The following SPHKAP variants were observed in gnomAD, a reference collection of about 807,000 sequenced individuals.
SPHKAP encodes A-kinase anchor protein SPHKAP.
SPHKAP carries 67 observed loss-of-function variants against 137.5 expected under a neutral mutation model. The observed-to-expected ratio is 0.49, with a 90% CI of 0.40 to 0.60. The LOEUF (loss-of-function observed/expected upper bound fraction) is 0.60. Ranked by LOEUF, SPHKAP falls within the 20% of genes least tolerant of loss-of-function variation. The pLI is 0.00. For synonymous variants in SPHKAP, 813 were observed against 785.3 expected (o/e 1.04, Z -0.59); for missense variants, 2,097 against 2,069.3 (o/e 1.01, Z -0.26).
intron 7 of SPHKAP, among the ~76,000 whole-genome samples, chr2:228,000,964 A>G (rs933800754): frequency 9.9e-5 from 15 of 152,006 alleles, no homozygotes; most frequent in Admixed American, 8.5e-4. Context: ...ACACTCCCCA[A>G]ATGTCTTCAA....
At chr2:228,001,398 T>A (rs1362924944) in intron 7 of SPHKAP, among the ~76,000 whole-genome samples, 1 of 142,938 alleles carries the variant, frequency 7.0e-6, no homozygotes, top group Non-Finnish European at 1.5e-5. Context: ...TATATAAATA[T>A]ATATACATAA....
intron 2 of SPHKAP, among the ~76,000 whole-genome samples, chr2:228,119,702 A>G (rs1318649853): frequency 1.3e-5 from 2 of 152,168 alleles, no homozygotes; most frequent in Non-Finnish European, 2.9e-5. Flanking sequence ...ACAATAAAAG[A>G]AAATGGAAAT....
chr2:228,110,022 C>T (rs1291934116), intron 2 of SPHKAP, among the ~76,000 whole-genome samples: 1 of 150,750 alleles, frequency 6.6e-6, no homozygotes, highest in African/African-American at 2.4e-5. Flanking sequence ...AAAAGATTCC[C>T]AGTGCTTTTC....
At chr2:228,147,939 A>T (rs1699824780) in intron 1 of SPHKAP, among the ~76,000 whole-genome samples, 1 of 152,154 alleles carries the variant, frequency 6.6e-6, no homozygotes, top group Non-Finnish European at 1.5e-5. Context: ...AATCAAGTGC[A>T]ATTTGATTTA....
intron 1 of SPHKAP, among the ~76,000 whole-genome samples, chr2:228,153,585 C>T (rs1700003927): frequency 6.6e-6 from 1 of 152,086 alleles, no homozygotes; most frequent in Admixed American, 6.6e-5. Context: ...AAGTATCAGT[C>T]TAGTTATTTT....
intron 3 of SPHKAP, among the ~76,000 whole-genome samples, chr2:228,031,421 G>A (rs1188476049): frequency 1.3e-5 from 2 of 152,240 alleles, no homozygotes; most frequent in African/African-American, 4.8e-5. Flanking sequence ...GCCTGCCTCT[G>A]TAGGCTCCAC....
chr2:228,144,003 A>G (rs537736566), intron 1 of SPHKAP, among the ~76,000 whole-genome samples: 2 of 152,242 alleles, frequency 1.3e-5, no homozygotes, highest in South Asian at 4.1e-4. Flanking sequence ...AAAACAGGCC[A>G]GGCACAGTTG....
intron 7 of SPHKAP, among the ~76,000 whole-genome samples, chr2:227,999,581 G>T (rs959140543): frequency 3.9e-5 from 6 of 152,144 alleles, no homozygotes; most frequent in African/African-American, 1.2e-4. Context: ...TCTTACTAAA[G>T]AAGTTAAATC....
At chr2:228,101,011 C>A (rs1698168813) in intron 3 of SPHKAP, among the ~76,000 whole-genome samples, 1 of 152,166 alleles carries the variant, frequency 6.6e-6, no homozygotes, top group African/African-American at 2.4e-5. Context: ...CTTTCTCTAT[C>A]TGCACATTCT....
In SPHKAP at chr2:227,993,558, C is replaced by A; in HGVS notation, c.4697G>T (p.Ser1566Ile). The change falls in exon 9 of 12, where the codon AGC becomes ATC. Residue 1566 changes from serine to isoleucine, a missense_variant. Transcript: ENST00000392056. ...CTTAATCATGGGAGAAGATGGCATGCTTTCCTGATAAATGTCCAGATCCAT... is the reference window on the plus strand; with the variant it reads ...CTTAATCATGGGAGAAGATGGCATGATTTCCTGATAAATGTCCAGATCCAT... Reference protein sequence around the residue: ...GIMDLDIYQESMPSSPMINEL... With the variant: ...GIMDLDIYQEIMPSSPMINEL... 1 of 1,604,306 alleles carries A rather than the reference C, an allele frequency of 6.2e-7. No individual in the cohort carries two copies. The highest frequency in any genetic ancestry group is 8.5e-7 in the Non-Finnish European group (1 of 1,175,536).
intron 7 of SPHKAP, among the ~76,000 whole-genome samples, chr2:227,997,967 T>C (rs2106172381): frequency 6.6e-6 from 1 of 152,310 alleles, no homozygotes; most frequent in South Asian, 2.1e-4. Context: ...CTGTGAAAGA[T>C]CTGAGATGTG....
At chr2:228,100,762 T>G (rs1190359986) in intron 3 of SPHKAP, among the ~76,000 whole-genome samples, 3 of 152,192 alleles carry the variant, frequency 2.0e-5, no homozygotes, top group African/African-American at 4.8e-5. Context: ...TATTGGGGTT[T>G]TTTTGCATCT....
At chr2:228,094,484 T>C (rs1401439625) in intron 3 of SPHKAP, among the ~76,000 whole-genome samples, 1 of 152,240 alleles carries the variant, frequency 6.6e-6, no homozygotes, top group Admixed American at 6.5e-5. Context: ...TTGTTTAGCA[T>C]ATGGTGCAAA....
At chr2:228,046,551 A>G (rs1696064260) in intron 3 of SPHKAP, among the ~76,000 whole-genome samples, 1 of 152,124 alleles carries the variant, frequency 6.6e-6, no homozygotes, top group African/African-American at 2.4e-5. Context: ...CCAACACTTC[A>G]TATTCTTTAA....
intron 7 of SPHKAP, among the ~76,000 whole-genome samples, chr2:228,009,376 T>C (rs181040763): frequency 2.0e-5 from 3 of 152,342 alleles, no homozygotes; most frequent in Admixed American, 2.0e-4. Flanking sequence ...CTTAGAGTTA[T>C]ATTTCTTAAT....
At chr2:228,031,847 C>T (rs1035352490) in intron 3 of SPHKAP, among the ~76,000 whole-genome samples, 4 of 152,128 alleles carry the variant, frequency 2.6e-5, no homozygotes, top group African/African-American at 4.8e-5. Flanking sequence ...GGAAAACTAA[C>T]GAACAGAAAG....
chr2:228,125,946 G>C (rs150854590), intron 2 of SPHKAP, among the ~76,000 whole-genome samples: 1 of 152,216 alleles, frequency 6.6e-6, no homozygotes, highest in East Asian at 1.9e-4. Context: ...TGGGTGTCAT[G>C]GCGTCCACCT....
At chr2:228,058,644 C>T (rs190514480) in intron 3 of SPHKAP, among the ~76,000 whole-genome samples, 85 of 152,286 alleles carry the variant, frequency 5.6e-4, no homozygotes, top group Non-Finnish European at 1.5e-4. Flanking sequence ...TCTTTACTAC[C>T]TACACACACA....
chr2:228,142,792 C>A (rs752911085), intron 1 of SPHKAP, among the ~76,000 whole-genome samples: 7 of 152,020 alleles, frequency 4.6e-5, no homozygotes, highest in Non-Finnish European at 7.4e-5. Context: ...GTACAACAAA[C>A]CCCCATGACA....
Sources: gnomAD v4.1 joint callset for allele counts (sites outside exome capture counted in the v4.1 genomes callset) on GRCh38, gnomAD v4.1.1 for gene constraint, MANE v1.5 for transcripts, NCBI Gene and HGNC (gene_info 2026-07-23, HGNC 2026-07-21) for gene names.